ZNF718: variants seen among roughly 807,000 people sequenced by gnomAD.
ZNF718 encodes the protein zinc finger protein 718.
Under a neutral mutation model 2.6 loss-of-function variants are expected in ZNF718, and 3 were observed. The ratio of observed to expected loss-of-function variants is 1.16; its 90% CI spans 0.53 to 3.01. The LOEUF (loss-of-function observed/expected upper bound fraction) is 3.01, where lower values mean the gene tolerates loss of function less well. Ranked by LOEUF, ZNF718 falls within the 30% of genes most tolerant of loss-of-function variation. The pLI is 0.03. For missense variants in ZNF718, 468 were observed against 230.0 expected (o/e 2.03, Z -6.69); for synonymous variants, 135 against 77.9 (o/e 1.73, Z -3.86).
chr4:131,030 G>A (rs1715338213), intron 2 of ZNF718, 116 bp downstream of exon 2: 1 of 221,572 alleles, frequency 4.5e-6, no homozygotes, highest in African/African-American at 2.9e-5. Flanking sequence ...GTTCCTTCAC[G>A]AAAAAGTTGG....
At chr4:190,108 C>T (rs1717661825) in intron 3 of ZNF718, among the ~76,000 whole-genome samples, 1 of 152,074 alleles carries the variant, frequency 6.6e-6, no homozygotes, top group Non-Finnish European at 1.5e-5. Flanking sequence ...TATCACAGTA[C>T]TCCTGGCTAA....
intron 3 of ZNF718, among the ~76,000 whole-genome samples, chr4:187,479 C>T (rs1717593199): frequency 6.6e-6 from 1 of 152,190 alleles, no homozygotes; most frequent in Admixed American, 6.5e-5. Context: ...CCCACCTTAG[C>T]CTCTCAAAGC....
In ZNF718 at chr4:161,322, A is replaced by C; in HGVS notation, c.637A>C (p.Ile213Leu). 1 of 780,880 alleles carries C rather than the reference A, an allele frequency of 1.3e-6. No individual in the cohort carries two copies. The highest frequency in any genetic ancestry group is 2.4e-6 in the Non-Finnish European group (1 of 418,350). 48.4% of individuals were successfully genotyped at this position (780,880 alleles called of 1,614,324 possible). ...TGGCAAAGCCTTTAATTGGTCCTCA[A>C]TTCTTACTAAACATAAGAGAATTCA... is the stretch of plus-strand genomic sequence containing the variant. Reference protein sequence around the residue: ...ECGKAFNWSSILTKHKRIHAR... With the variant: ...ECGKAFNWSSLLTKHKRIHAR... Residue 213 changes from isoleucine (I) to leucine (L), a missense_variant, in exon 4 of 4, where the codon ATT (isoleucine) becomes CTT (leucine). Physicochemically the swap from Ile to Leu is conservative, Grantham distance 5. Coordinates refer to ENST00000510175, the MANE Select transcript of ZNF718 (RefSeq NM_001039127.6).
At chr4:132,248 G>C (rs1715368584) in intron 3 of ZNF718, among the ~76,000 whole-genome samples, 1 of 103,410 alleles carries the variant, frequency 9.7e-6, no homozygotes, top group African/African-American at 3.4e-5. Context: ...ATGTAGTTTG[G>C]GAAGCTCTGT....
At chr4:141,985 G>C (rs1200854505) in intron 3 of ZNF718, 1 of 518,628 alleles carries the variant, frequency 1.9e-6, no homozygotes, top group African/African-American at 1.9e-5. Context: ...TATATTTCCA[G>C]CAGGTAAAAA....
At chr4:125,849 G>C (rs1316698816) in intron 1 of ZNF718, among the ~76,000 whole-genome samples, 4 of 152,208 alleles carry the variant, frequency 2.6e-5, no homozygotes, top group African/African-American at 9.6e-5. Context: ...TGGCAGTTTT[G>C]CTCCTACAGT....
intron 3 of ZNF718, among the ~76,000 whole-genome samples, chr4:175,510 C>G (rs1717328115): frequency 6.6e-6 from 1 of 152,164 alleles, no homozygotes; most frequent in Non-Finnish European, 1.5e-5. Flanking sequence ...GTAGGGCAAT[C>G]CCAATATTGG....
At position 182,895 on chromosome 4, in the gene ZNF718, G is replaced by A. The variant is rs907017848; in HGVS notation, c.227-18186G>A. On this transcript the variant is annotated intron_variant and NMD_transcript_variant, in intron 3 of 4. Transcript: ENST00000642529. ...TTGTTCAAGCTTTTTATAGGTGCTG[G>A]ATATTTGACCTTTGTCAGATGCATA... is the stretch of plus-strand genomic sequence containing the variant. Among the ~76,000 whole-genome samples, 3 of 152,236 alleles carry A rather than the reference G, an allele frequency of 2.0e-5. No homozygotes were observed. In the South Asian group the frequency reaches 6.2e-4, roughly 32 times the overall value.
intron 3 of ZNF718, among the ~76,000 whole-genome samples, chr4:171,611 G>A (rs1717233938): frequency 6.6e-6 from 1 of 152,224 alleles, no homozygotes; most frequent in Non-Finnish European, 1.5e-5. Context: ...CTAGCAGTGA[G>A]TGAGGCTCTG....
intron 3 of ZNF718, among the ~76,000 whole-genome samples, chr4:198,982 C>G (rs1467191576): frequency 6.6e-6 from 1 of 152,210 alleles, no homozygotes; most frequent in African/African-American, 2.4e-5. Context: ...CCCATGGTCA[C>G]AAACCTGGAA....
intron 3 of ZNF718, among the ~76,000 whole-genome samples, chr4:188,442 G>T (rs1202734605): frequency 1.3e-5 from 2 of 152,190 alleles, no homozygotes; most frequent in East Asian, 3.9e-4. Flanking sequence ...GTTGCTGGTG[G>T]CTGGAATTCC....
chr4:184,660 T>C (rs1417673944), intron 3 of ZNF718, among the ~76,000 whole-genome samples: 5 of 152,148 alleles, frequency 3.3e-5, no homozygotes, highest in African/African-American at 1.2e-4. Context: ...TTTTGGTCAG[T>C]AGACTCTCTA....
At chr4:153,598 A>G (rs1416616958) in intron 3 of ZNF718, among the ~76,000 whole-genome samples, 2 of 152,112 alleles carry the variant, frequency 1.3e-5, no homozygotes, top group Non-Finnish European at 2.9e-5. Context: ...TTTTCAGTGT[A>G]GAGTGTTCAG....
chr4:161,418 CAT>C lies in ZNF718; in HGVS notation c.735_736del (p.His245GlnfsTer13). 1.3e-6 allele frequency: 1 copy of C among 780,482 alleles called. No homozygotes were observed. Among genetic ancestry groups the C allele is most frequent in the Middle Eastern group, 2.3e-4 (1 of 4,434 alleles). The allele number at this position is 780,482 out of a possible 1,614,324, so 48.3% of individuals were successfully genotyped here. On this transcript the variant is annotated frameshift_variant, in exon 4 of 4. Transcript: ENST00000510175. LOFTEE classifies it low-confidence loss of function (END_TRUNC). ...GFTRSSHLTKHKRIHTGEKPY... is the reference protein window; with the variant it reads ...GFTRSSHLTKXKRIHTGEKPY... ...TACTCGGTCCTCACACCTTACTAAA[CAT>C]AAGAGAATTCATACTGGAGAGAAAC...
chr4:199,560 T>A (rs888380735), intron 3 of ZNF718, among the ~76,000 whole-genome samples: 5 of 152,230 alleles, frequency 3.3e-5, no homozygotes, highest in African/African-American at 1.2e-4. Flanking sequence ...AAGAATGGTA[T>A]TCTAATTTAG....
chr4:155,373 A>G (rs1581452042), intron 3 of ZNF718, among the ~76,000 whole-genome samples: 1 of 152,072 alleles, frequency 6.6e-6, no homozygotes, highest in South Asian at 2.1e-4. Context: ...GACACTCAAC[A>G]CCAGCCCATG....
intron 3 of ZNF718, among the ~76,000 whole-genome samples, chr4:138,001 T>A (rs951824791): frequency 6.6e-6 from 1 of 152,232 alleles, no homozygotes; most frequent in Non-Finnish European, 1.5e-5. Context: ...TTCAGGATTT[T>A]AAATTTTTAT....
chr4:138,332 CTA>C (rs1715663611), intron 3 of ZNF718, among the ~76,000 whole-genome samples: 2 of 152,196 alleles, frequency 1.3e-5, no homozygotes, highest in Admixed American at 1.3e-4. Flanking sequence ...CTCTCTGTCT[CTA>C]TGAATTAGTT....
intron 3 of ZNF718, among the ~76,000 whole-genome samples, chr4:160,014 G>A (rs1204582052): frequency 6.6e-6 from 1 of 152,160 alleles, no homozygotes; most frequent in Non-Finnish European, 1.5e-5. Context: ...TCAGTTAAAA[G>A]AGTTTGTTCA....
Sources: allele counts gnomAD v4.1 joint callset (sites outside exome capture counted in the v4.1 genomes callset), GRCh38; gene constraint gnomAD v4.1.1; transcripts MANE v1.5; gene names NCBI Gene and HGNC (gene_info 2026-07-23, HGNC 2026-07-21).